NDST1: variants seen among roughly 807,000 people sequenced by gnomAD.
NDST1 encodes the protein N-deacetylase and N-sulfotransferase 1, also known as bifunctional heparan sulfate N-deacetylase/N-sulfotransferase 1.
In NDST1, 35 loss-of-function variants were observed where a neutral mutation model predicts 92.8. The observed-to-expected ratio is 0.38, with a 90% CI of 0.29 to 0.50. NDST1 has a LOEUF of 0.50. NDST1 is among the 20% of genes least tolerant of loss of function. NDST1 has a pLI of 0.94. For missense variants in NDST1, 822 were observed against 1,182.7 expected (o/e 0.69, Z 4.47); for synonymous variants, 493 against 500.3 (o/e 0.99, Z 0.19).
At position 150,548,252 on chromosome 5, in the gene NDST1, A is replaced by C; in HGVS notation, c.2180A>C (p.Lys727Thr). The C allele has an allele frequency of 6.2e-7, 1 of 1,614,192 alleles. No homozygotes were observed. Among genetic ancestry groups the C allele is most frequent in the Non-Finnish European group, 8.5e-7 (1 of 1,180,028 alleles). The change falls in exon 12 of 15, where the codon AAG becomes ACG. Residue 727 changes from lysine (K) to threonine (T), a missense_variant. By Grantham distance (78) the Lys-to-Thr change is moderately conservative. Coordinates refer to ENST00000261797, the MANE Select transcript of NDST1 (RefSeq NM_001543.5). ...GCCCATGACGACCCAGTGGCCCTAAAGTACACCTTCCATGAGGTGATTACC... is the reference window on the plus strand; with the variant it reads ...GCCCATGACGACCCAGTGGCCCTAACGTACACCTTCCATGAGGTGATTACC... ...QRAHDDPVAL[K>T]YTFHEVITAG...
chr5:150,545,609 C>A, intron 11 of NDST1, 123 bp downstream of exon 11: 1 of 1,259,142 alleles, frequency 7.9e-7, no homozygotes, highest in Non-Finnish European at 1.1e-6. Flanking sequence ...CTGAGCCAGG[C>A]GCCTGGAGCG....
intron 5 of NDST1, 142 bp from the exon 6 acceptor site, chr5:150,535,558 C>A: frequency 8.2e-7 from 1 of 1,213,582 alleles, no homozygotes; most frequent in Non-Finnish European, 1.2e-6. Flanking sequence ...CAGGCCTCAG[C>A]TTCCCATCTT....
chr5:150,510,452 GT>G (rs762593259), intron 1 of NDST1, among the ~76,000 whole-genome samples: 17 of 152,262 alleles, frequency 1.1e-4, no homozygotes, highest in Admixed American at 2.0e-4. Context: ...AACATTCTGT[GT>G]GATGGACCTG....
chr5:150,522,480 G>C (rs1036143267), intron 2 of NDST1, among the ~76,000 whole-genome samples: 2 of 152,158 alleles, frequency 1.3e-5, no homozygotes, highest in East Asian at 3.8e-4. Context: ...TCCAGAGGCT[G>C]TGGTCAGAGA....
rs141240993 is a variant in NDST1 at position 150,532,975 on chromosome 5, G to A, written c.1039G>A (p.Ala347Thr). 106 of 1,614,078 alleles carry A rather than the reference G, an allele frequency of 6.6e-5. 1 individual carries two copies. The highest frequency in any genetic ancestry group is 6.3e-4 in the African/African-American group (47 of 75,002). Residue 347 changes from alanine to threonine, a missense_variant, in exon 4 of 15, where the codon GCA becomes ACA. Ala to Thr is a moderately conservative substitution (Grantham distance 58, BLOSUM62 0). Transcript: ENST00000261797. ...GTTTGACACACAGAACGAACTACGC[G>A]CACACATCCCAAACTTCACCTTCAA... The part of the protein sequence containing the change: ...ALFDTQNELR[A>T]HIPNFTFNLG...
At chr5:150,509,078 G>A (rs933954289) in intron 1 of NDST1, among the ~76,000 whole-genome samples, 1 of 152,158 alleles carries the variant, frequency 6.6e-6, no homozygotes, top group African/African-American at 2.4e-5. Context: ...GAGAGGAAGG[G>A]GATGACTGGG....
chr5:150,521,061 G>T lies in NDST1; in HGVS notation c.-194G>T. 1.6e-6 allele frequency: 1 copy of T among 609,230 alleles called. No homozygotes were observed. The highest frequency in any genetic ancestry group is 2.0e-5 in the South Asian group (1 of 50,984). The allele number at this position is 609,230 out of a possible 1,614,324, so 37.7% of individuals were successfully genotyped here. On this transcript the variant is annotated 5_prime_UTR_variant, in exon 2 of 15. Coordinates refer to ENST00000261797, the MANE Select transcript of NDST1 (RefSeq NM_001543.5). This position sits in a 1 kb window ranked among gnomAD's most constrained non-coding sequence, Gnocchi z 5.9. ...AGGAAGGAAGGAGCGTGACCAGCCT[G>T]TGGACTGCGCCCCTGGCTGGGAGGA...
At chr5:150,515,508 G>A (rs1023102086) in intron 1 of NDST1, among the ~76,000 whole-genome samples, 1 of 152,244 alleles carries the variant, frequency 6.6e-6, no homozygotes, top group Non-Finnish European at 1.5e-5. Context: ...AGAGGGGGCA[G>A]TGGTTGGTGA....
intron 12 of NDST1, 105 bp downstream of exon 12, chr5:150,548,493 C>G (rs1581410431): frequency 1.6e-6 from 2 of 1,254,600 alleles, no homozygotes; most frequent in East Asian, 5.0e-5. Flanking sequence ...ACAGATATGC[C>G]CTCCTTGGAG....
chr5:150,549,427 G>C (rs1161824295), intron 12 of NDST1, among the ~76,000 whole-genome samples: 1 of 152,232 alleles, frequency 6.6e-6, no homozygotes, highest in Admixed American at 6.5e-5. Flanking sequence ...GACCTGAGGG[G>C]CAGGCAGGGT....
chr5:150,552,608 C>G lies in NDST1; in HGVS notation c.2530-605C>G, dbSNP rs1472578575. 2.7e-5 allele frequency: 5 copies of G among 182,520 alleles called. No homozygotes were observed. In the East Asian group the frequency reaches 4.3e-4, roughly 16 times the overall value. 11.3% of individuals were successfully genotyped at this position (182,520 alleles called of 1,614,324 possible). ...GCTCAATCGATCTTCCCGCCTCAGC[C>G]TGCCATAGTGCTGGTATTATAGGTG... On this transcript the variant is annotated intron_variant, in intron 14 of 14. Transcript: ENST00000261797.
intron 3 of NDST1, among the ~76,000 whole-genome samples, chr5:150,529,078 A>G (rs1337707904): frequency 6.6e-6 from 1 of 152,020 alleles, no homozygotes; most frequent in Non-Finnish European, 1.5e-5. Context: ...TAGACAGTGG[A>G]ATGCATGTGT....
intron 1 of NDST1, among the ~76,000 whole-genome samples, chr5:150,519,898 G>A (rs943870314): frequency 3.9e-5 from 6 of 152,094 alleles, no homozygotes; most frequent in African/African-American, 7.2e-5. Flanking sequence ...GGGTGCAGGC[G>A]GTGCGGGGGG....
chr5:150,543,527 C>T (rs1051871116), intron 10 of NDST1, among the ~76,000 whole-genome samples: 1 of 152,194 alleles, frequency 6.6e-6, no homozygotes, highest in East Asian at 1.9e-4. Context: ...GTTTTACTCT[C>T]CACCTTTTCA....
intron 7 of NDST1, chr5:150,539,811 C>T (rs1262890461): frequency 2.1e-5 from 21 of 982,986 alleles, no homozygotes; most frequent in Non-Finnish European, 2.3e-5. Context: ...CCATGCACCC[C>T]ACCCCTAACA....
At chr5:150,542,769 G>A in intron 9 of NDST1, 79 bp from the exon 10 acceptor site, 1 of 1,598,558 alleles carries the variant, frequency 6.3e-7, no homozygotes, top group Non-Finnish European at 8.6e-7. Flanking sequence ...TGGGTCGTGG[G>A]GAGCTAGGCC....
Position 150,534,889 on chromosome 5 carries a change from G to A in NDST1, c.1119G>A (p.Gly373=). The change falls in exon 5 of 15, where the codon GGG becomes GGA. Residue 373 remains glycine (G), a synonymous_variant. Coordinates refer to ENST00000261797, the MANE Select transcript of NDST1 (RefSeq NM_001543.5). Reference sequence around the variant, plus strand: ...CAGGTACCAATGCTGAGGACGCTGGGGATGATCTGCTGCTGTCGTATGTGA... The same window carrying A: ...CAGGTACCAATGCTGAGGACGCTGGAGATGATCTGCTGCTGTCGTATGTGA... ...FHTGTNAEDA[G]DDLLLSYVKE... 1 of 1,614,278 alleles carries A rather than the reference G, an allele frequency of 6.2e-7. No homozygotes were observed.
intron 13 of NDST1, among the ~76,000 whole-genome samples, chr5:150,551,434 A>C (rs766533125): frequency 1.3e-4 from 20 of 152,172 alleles, no homozygotes; most frequent in Non-Finnish European, 7.3e-5. Flanking sequence ...GAGAATGCTC[A>C]GAAAAGATTT....
intron 1 of NDST1, among the ~76,000 whole-genome samples, chr5:150,512,435 G>T (rs145385599): frequency 6.6e-6 from 1 of 152,344 alleles, no homozygotes; most frequent in Non-Finnish European, 1.5e-5. Context: ...TTGTGGAAAG[G>T]TCATGGTCGC....
Sources: allele counts gnomAD v4.1 joint callset (sites outside exome capture counted in the v4.1 genomes callset), GRCh38; gene constraint gnomAD v4.1.1; non-coding constraint Gnocchi (gnomAD v3.1); transcripts MANE v1.5; gene names NCBI Gene and HGNC (gene_info 2026-07-23, HGNC 2026-07-21).